Variants in CIC observed in about 807,000 individuals in gnomAD.
CIC encodes capicua transcriptional repressor, also known as protein capicua homolog.
Under a neutral mutation model 115.7 loss-of-function variants are expected in CIC, and 18 were observed. The ratio of observed to expected loss-of-function variants is 0.16; its 90% CI spans 0.11 to 0.23. CIC has a LOEUF of 0.23. Among genes scored for constraint, CIC ranks in the 10% least tolerant of loss-of-function variants. CIC has a pLI of 1.00. For synonymous variants in CIC, 1,076 were observed against 923.0 expected (o/e 1.17, Z -3.01); for missense variants, 2,000 against 2,159.3 (o/e 0.93, Z 1.46).
In CIC at chr19:42,294,816, A is replaced by C. The variant is rs117887597; in HGVS notation, c.7187-8A>C. ...ATCCTGTGCTCCCCACCGTTTTTCT[A>C]TCTCCAGCCCAGGCCACAGCCGCCT... On this transcript the variant is annotated splice_region_variant and splice_polypyrimidine_tract_variant and intron_variant, in intron 20 of 20. Coordinates refer to ENST00000681038, the MANE Select transcript of CIC (RefSeq NM_001386298.1). 8.7e-6 allele frequency: 14 copies of C among 1,604,000 alleles called. No individual in the cohort carries two copies. The African/African-American group carries it at 1.1e-4, about 12-fold the overall frequency.
rs555987382 is a variant in CIC at position 42,288,387 on chromosome 19, T to C, written c.3658+412T>C. 1.8e-4 allele frequency among the ~76,000 whole-genome samples: 28 copies of C among 152,222 alleles called. No individual in the cohort carries two copies. In the East Asian group the frequency reaches 5.0e-3, roughly 27 times the overall value. ...GTTCGGCGGGCCCCCAGCACCATAGTTGGGGCCACTGCAGCTCGCAAACAC... is the reference window on the plus strand; with the variant it reads ...GTTCGGCGGGCCCCCAGCACCATAGCTGGGGCCACTGCAGCTCGCAAACAC... On this transcript the variant is annotated intron_variant, in intron 7 of 20. Transcript: ENST00000681038.
At chr19:42,293,357 C>G in intron 16 of CIC, 76 bp downstream of exon 16, 2 of 1,458,624 alleles carry the variant, frequency 1.4e-6, no homozygotes, top group Non-Finnish European at 1.9e-6. Flanking sequence ...CTTTTCTGTC[C>G]TACTCTTCTT....
chr19:42,295,143 G>GGGCCCGCCCCCC lies in CIC; in HGVS notation c.7506_7507insGGCCCGCCCCCC (p.Gln2502_Pro2503insGlyProProPro). Reference sequence around the variant, plus strand: ...AGCCTGGCTGGGAGGGGGCTCCCCAGCCCTCCCCCCCACCCCCAGGTCCCT... The same window carrying GGGCCCGCCCCCC: ...AGCCTGGCTGGGAGGGGGCTCCCCAGGGCCCGCCCCCCCCCTCCCCCCCACCCCCAGGTCCCT... On this transcript the variant is annotated inframe_insertion, in exon 21 of 21. Coordinates refer to ENST00000681038, the MANE Select transcript of CIC (RefSeq NM_001386298.1). The GGGCCCGCCCCCC allele has an allele frequency of 7.2e-7, 1 of 1,382,738 alleles. No homozygotes were observed. Among genetic ancestry groups the GGGCCCGCCCCCC allele is most frequent in the Non-Finnish European group, 9.6e-7 (1 of 1,037,826 alleles). 85.7% of individuals were successfully genotyped at this position (1,382,738 alleles called of 1,614,324 possible). A position where few individuals can be genotyped will look rare whatever the true frequency, so the allele number is the denominator to read the frequency against.
Position 42,292,320 on chromosome 19 carries a change from C to T in CIC, c.5756C>T (p.Ala1919Val), listed in dbSNP as rs367725186. 2 of 1,613,166 alleles carry T rather than the reference C, an allele frequency of 1.2e-6. No individual in the cohort carries two copies. Among genetic ancestry groups the T allele is most frequent in the South Asian group, 1.1e-5 (1 of 91,086 alleles). The change falls in exon 14 of 21, where the codon GCG (alanine) becomes GTG (valine). Residue 1919 changes from alanine (A) to valine (V), a missense_variant. By Grantham distance (64) the Ala-to-Val change is moderately conservative. Transcript: ENST00000681038. ...GGCAGAATCACCTATGTGCAGTCAG[C>T]GGGCGGGCACGCGCTGCCCCTGGGT... is the stretch of plus-strand genomic sequence containing the variant. ...SSTRITYVQS[A>V]GGHALPLGTS...
intron 2 of CIC, among the ~76,000 whole-genome samples, chr19:42,276,502 A>C (rs2036982793): frequency 6.6e-6 from 1 of 152,100 alleles, no homozygotes; most frequent in Non-Finnish European, 1.5e-5. Context: ...TTCAGGAAGG[A>C]GCACTGGCCT....
chr19:42,284,722 GC>G, intron 2 of CIC: 1 of 1,554,554 alleles, frequency 6.4e-7, no homozygotes. Context: ...CGGCCCACAG[GC>G]CCCTGATGCC....
chr19:42,288,829 C>T (rs1568507816), intron 7 of CIC, 59 bp from the exon 8 acceptor site: 3 of 1,486,954 alleles, frequency 2.0e-6, no homozygotes. Flanking sequence ...GTTGTTGGGC[C>T]AGTCTAGGTG....
Position 42,287,791 on chromosome 19 carries a change from C to T in CIC, c.3493-19C>T. 6 of 1,614,094 alleles carry T rather than the reference C, an allele frequency of 3.7e-6. No homozygotes were observed. Among genetic ancestry groups the T allele is most frequent in the Non-Finnish European group, 4.2e-6 (5 of 1,179,968 alleles). ...GGTGGGGTGGGTGAGTGAAGGGTTG[C>T]CCTGCCCTCTCCTGCCAGGTGAAGG... On this transcript the variant is annotated intron_variant, in intron 6 of 20. Coordinates refer to ENST00000681038, the MANE Select transcript of CIC (RefSeq NM_001386298.1). The surrounding 1 kb of genome is among the most constrained non-coding windows in gnomAD (Gnocchi z 8.7).
chr19:42,294,447 C>A, intron 19 of CIC, 143 bp downstream of exon 19: 3 of 1,540,168 alleles, frequency 1.9e-6, no homozygotes, highest in Non-Finnish European at 1.8e-6. Context: ...GTTCTGGAGT[C>A]TGGCAGGCCC....
In CIC at chr19:42,284,717, C is replaced by T. The variant is rs1014474376; in HGVS notation, c.2795-2054C>T. On this transcript the variant is annotated intron_variant, in intron 2 of 20. Coordinates refer to ENST00000681038, the MANE Select transcript of CIC (RefSeq NM_001386298.1). The stretch of plus-strand genomic sequence containing the variant: ...CCTGCGCCGGACCATGTATTCGGCC[C>T]ACAGGCCCCTGATGCCCGCGTCCAG... 9.0e-6 allele frequency: 14 copies of T among 1,553,242 alleles called. No individual in the cohort carries two copies. In the Middle Eastern group the frequency reaches 5.4e-4, roughly 60 times the overall value.
chr19:42,293,326 G>A (rs1352092346), intron 16 of CIC, 45 bp downstream of exon 16: 2 of 1,526,310 alleles, frequency 1.3e-6, no homozygotes, highest in Middle Eastern at 2.0e-4. Flanking sequence ...ACTTGGCTGT[G>A]CCTCTCCATT....
upstream of CIC, among the ~76,000 whole-genome samples, chr19:42,268,842 A>G (rs1341941856): frequency 9.9e-5 from 15 of 152,200 alleles, no homozygotes; most frequent in Non-Finnish European, 2.9e-5. Flanking sequence ...CGTTCATTGG[A>G]CAACCCGTCC....
Position 42,290,335 on chromosome 19 carries a change from G to C in CIC, c.4294G>C (p.Ala1432Pro). 6.2e-7 allele frequency: 1 copy of C among 1,614,100 alleles called. No homozygotes were observed. The highest frequency in any genetic ancestry group is 8.5e-7 in the Non-Finnish European group (1 of 1,179,984). ...CCCAGGGCCCCCGGATCCTCCTGTA[G>C]CCTTTGGCAAAGGCTATGGTTCCGC... is the stretch of plus-strand genomic sequence containing the variant. Reference protein sequence around the residue: ...EPPGPPDPPVAFGKGYGSAPS... With the variant: ...EPPGPPDPPVPFGKGYGSAPS... The change falls in exon 11 of 21, where the codon GCC (alanine) becomes CCC (proline). Residue 1432 changes from alanine to proline, a missense_variant. Transcript: ENST00000681038.
rs538298870 is a variant in CIC at position 42,272,032 on chromosome 19, C to T, written c.249C>T (p.Gly83=). The T allele has an allele frequency of 4.8e-5, 19 of 398,862 alleles. No homozygotes were observed. The highest frequency in any genetic ancestry group is 3.1e-4 in the African/African-American group (15 of 48,742). 24.7% of individuals were successfully genotyped at this position (398,862 alleles called of 1,614,324 possible). A position where few individuals can be genotyped will look rare whatever the true frequency, so the allele number is the denominator to read the frequency against. The part of the protein sequence containing the change: ...AEGPPLELHP[G]DPAPGPAEDP... ...GTCCTCCACTGGAGCTGCACCCTGGCGACCCGGCTCCAGGCCCAGCAGAGG... is the reference window on the plus strand; with the variant it reads ...GTCCTCCACTGGAGCTGCACCCTGGTGACCCGGCTCCAGGCCCAGCAGAGG... Residue 83 remains glycine, a synonymous_variant, in exon 2 of 21, where the codon GGC becomes GGT. Coordinates refer to ENST00000681038, the MANE Select transcript of CIC (RefSeq NM_001386298.1).
chr19:42,294,857 C>T lies in CIC; in HGVS notation c.7220C>T (p.Ala2407Val). The stretch of plus-strand genomic sequence containing the variant: ...ACAGCCGCCTTCCAGGCCCGCTATG[C>T]AGACATCTTTCCCTCCAAGGTTTGT... ...QATAAFQARY[A>V]DIFPSKVCLQ... The change falls in exon 21 of 21, where the codon GCA becomes GTA. Residue 2407 changes from alanine to valine, a missense_variant. Around this residue, in one of 8 missense-constraint regions of CIC, gnomAD observed 17 missense variants for 17.8 expected, o/e 0.95. Transcript: ENST00000681038. The T allele has an allele frequency of 6.2e-7, 1 of 1,601,194 alleles. No individual in the cohort carries two copies. Among genetic ancestry groups the T allele is most frequent in the Non-Finnish European group, 8.5e-7 (1 of 1,179,950 alleles).
chr19:42,290,541 C>T lies in CIC; in HGVS notation c.4500C>T (p.Leu1500=), dbSNP rs2038010578. The T allele has an allele frequency of 6.2e-7, 1 of 1,613,494 alleles. No homozygotes were observed. The highest frequency in any genetic ancestry group is 8.5e-7 in the Non-Finnish European group (1 of 1,179,876). The change falls in exon 11 of 21, where the codon CTC becomes CTT. Residue 1500 remains leucine, a synonymous_variant. Transcript: ENST00000681038. ...CACCTTCCAAGGCAACCCGGTTCCT[C>T]CCAATGGATCCTGCCACCTTCCGGC... ...PATPSKATRF[L]PMDPATFRRK... is the part of the protein sequence containing the mutation.
intron 2 of CIC, 110 bp from the exon 3 acceptor site, chr19:42,286,660 TG>T (rs1555764666): frequency 5.0e-6 from 6 of 1,193,494 alleles, no homozygotes; most frequent in Non-Finnish European, 6.7e-6. Flanking sequence ...GTGTTGGGGG[TG>T]GGGGGTAGAC....
chr19:42,283,099 G>A (rs1426453996), intron 2 of CIC, among the ~76,000 whole-genome samples: 1 of 152,180 alleles, frequency 6.6e-6, no homozygotes, highest in Non-Finnish European at 1.5e-5. Context: ...GGATTATATA[G>A]AGGGTGGGGT....
chr19:42,268,689 T>C (rs748462471), upstream of CIC: 5 of 152,400 alleles, frequency 3.3e-5, no homozygotes, highest in East Asian at 7.7e-4. Context: ...CGGGTTTCTT[T>C]GGTGCTCCAA....
Sources: gnomAD v4.1 joint callset for allele counts (sites outside exome capture counted in the v4.1 genomes callset) on GRCh38, gnomAD v4.1.1 for gene constraint, gnomAD v4.1.1 regional missense constraint, Gnocchi (gnomAD v3.1) non-coding constraint, MANE v1.5 for transcripts, NCBI Gene and HGNC (gene_info 2026-07-23, HGNC 2026-07-21) for gene names.